The following ENPP2 variants were observed in gnomAD, a reference collection of about 807,000 sequenced individuals.
The protein encoded by ENPP2 is ectonucleotide pyrophosphatase/phosphodiesterase 2.
In ENPP2, 51 loss-of-function variants were observed where a neutral mutation model predicts 120.2. The ratio of observed to expected loss-of-function variants is 0.42; its 90% CI spans 0.34 to 0.54. The LOEUF is 0.54. ENPP2 is among the 20% of genes least tolerant of loss of function. The probability of loss-of-function intolerance (pLI) is 0.04; values close to 1 mark genes in which losing one functional copy is unlikely to be tolerated. For missense variants in ENPP2, 920 were observed against 1,066.5 expected, an observed-to-expected ratio of 0.86 and a Z score of 1.91; for synonymous variants, 365 against 366.4, an observed-to-expected ratio of 1.00 and a Z score of 0.04.
chr8:119,561,088 T>C (rs1813889226), intron 24 of ENPP2, among the ~76,000 whole-genome samples: 1 of 152,236 alleles, frequency 6.6e-6, no homozygotes, highest in Non-Finnish European at 1.5e-5. Context: ...TTTTAAAATC[T>C]TTTCTCCCAC....
At chr8:119,618,267 C>T (rs746529648) in intron 5 of ENPP2, 25 of 497,128 alleles carry the variant, frequency 5.0e-5, no homozygotes, top group Admixed American at 1.6e-4. Context: ...TTGGGATTCT[C>T]CAAATACTCC....
intron 8 of ENPP2, among the ~76,000 whole-genome samples, chr8:119,610,313 AG>A (rs1024262557): frequency 6.6e-6 from 1 of 152,222 alleles, no homozygotes; most frequent in Non-Finnish European, 1.5e-5. Flanking sequence ...TCTTGGTAAA[AG>A]TCAGGTTGAC....
At chr8:119,652,102 G>A (rs1456442762) in intron 1 of ENPP2, among the ~76,000 whole-genome samples, 1 of 152,086 alleles carries the variant, frequency 6.6e-6, no homozygotes, top group East Asian at 1.9e-4. Flanking sequence ...AGGCTGGGAG[G>A]TTTACGATCA....
intron 1 of ENPP2, among the ~76,000 whole-genome samples, chr8:119,668,141 T>A (rs1818128852): frequency 6.6e-6 from 1 of 152,190 alleles, no homozygotes; most frequent in Middle Eastern, 3.2e-3. Context: ...AAAGCAAGTA[T>A]AATATTGAAT....
chr8:119,656,323 T>C (rs1817765261), intron 1 of ENPP2, among the ~76,000 whole-genome samples: 2 of 152,148 alleles, frequency 1.3e-5, no homozygotes, highest in South Asian at 2.1e-4. Context: ...TACAACACAA[T>C]TGATGACATG....
At chr8:119,602,457 C>CAAAA (rs57298494) in intron 9 of ENPP2, among the ~76,000 whole-genome samples, 5 of 122,990 alleles carry the variant, frequency 4.1e-5, no homozygotes, top group African/African-American at 1.4e-4. Context: ...AACTCTGTCT[C>CAAAA]AAAAAAAAAA....
intron 1 of ENPP2, among the ~76,000 whole-genome samples, chr8:119,654,751 T>G (rs1292734894): frequency 6.6e-6 from 1 of 152,182 alleles, no homozygotes; most frequent in East Asian, 1.9e-4. Flanking sequence ...ACAGTCACTA[T>G]TCAGCAAAGG....
chr8:119,566,804 G>A (rs1814487364), intron 22 of ENPP2, among the ~76,000 whole-genome samples: 1 of 152,228 alleles, frequency 6.6e-6, no homozygotes, highest in Non-Finnish European at 1.5e-5. Flanking sequence ...TGCATTCTAT[G>A]TAATATTGTG....
chr8:119,559,194 C>A (rs1033967963), intron 24 of ENPP2, among the ~76,000 whole-genome samples: 16 of 152,160 alleles, frequency 1.1e-4, no homozygotes, highest in Non-Finnish European at 2.4e-4. Flanking sequence ...CTCAGTGTGA[C>A]CCTATAATTA....
chr8:119,590,695 G>A (rs1407967455), intron 12 of ENPP2, 65 bp from the exon 13 acceptor site: 12 of 1,136,634 alleles, frequency 1.1e-5, no homozygotes, highest in Non-Finnish European at 1.3e-5. Context: ...ACATAGACAC[G>A]AAAGATAACA....
rs1028829570 is a variant in ENPP2, at chr8:119,617,549, G to A, written c.494C>T (p.Pro165Leu). Residue 165 changes from proline (P) to leucine (L), a missense_variant, in exon 6 of 25, where the codon CCA becomes CTA. Coordinates refer to ENST00000075322, the MANE Select transcript of ENPP2 (RefSeq NM_001040092.3). ...AECPAGFVRP[P>L]LIIFSVDGFR... The stretch of plus-strand genomic sequence containing the variant: ...GCCATCCACGGAGAAGATGATTAAT[G>A]GAGGGCGAACAAACCTTAAACAGTA... The A allele has an allele frequency of 1.9e-6, 3 of 1,612,672 alleles. No homozygotes were observed. Among genetic ancestry groups the A allele is most frequent in the East Asian group, 2.2e-5 (1 of 44,798 alleles).
intron 1 of ENPP2, among the ~76,000 whole-genome samples, chr8:119,647,815 G>A (rs955320858): frequency 6.6e-6 from 1 of 152,120 alleles, no homozygotes; most frequent in Admixed American, 6.5e-5. Context: ...TGCCGACCTG[G>A]CCAACATGGC....
At chr8:119,607,719 C>G (rs563870050) in intron 9 of ENPP2, among the ~76,000 whole-genome samples, 1 of 151,068 alleles carries the variant, frequency 6.6e-6, no homozygotes, top group African/African-American at 2.4e-5. Context: ...AAAAGGAGAG[C>G]TGGAGGACAA....
At chr8:119,591,023 G>A (rs1452044866) in intron 12 of ENPP2, among the ~76,000 whole-genome samples, 1 of 128,808 alleles carries the variant, frequency 7.8e-6, no homozygotes, top group Non-Finnish European at 1.6e-5. Context: ...AAAACCCTAG[G>A]TTGCATCAAA....
chr8:119,611,603 G>C (rs946958245), intron 8 of ENPP2, among the ~76,000 whole-genome samples: 3 of 152,196 alleles, frequency 2.0e-5, no homozygotes, highest in Non-Finnish European at 4.4e-5. Flanking sequence ...AGGAAACAAA[G>C]AACAGTTCCA....
intron 22 of ENPP2, among the ~76,000 whole-genome samples, chr8:119,565,855 C>T (rs183681236): frequency 1.6e-4 from 24 of 152,106 alleles, no homozygotes; most frequent in African/African-American, 4.3e-4. Context: ...ATAAGTCAGA[C>T]TGTATCTTTC....
rs368820942 is a variant in ENPP2 at position 119,638,460 on chromosome 8, T to C, written c.101A>G (p.Lys34Arg). Residue 34 changes from lysine to arginine, a missense_variant, in exon 2 of 25, where the codon AAG becomes AGG. Physicochemically the swap from Lys to Arg is conservative, Grantham distance 26. Coordinates refer to ENST00000075322, the MANE Select transcript of ENPP2 (RefSeq NM_001040092.3). The part of the protein sequence containing the change: ...ICLGFTAHRI[K>R]RAEGWEEGPP... ...ACCTTCCTCCCATCCTTCTGCTCTC[T>C]TAATTCGATGTGCAGTGAATCCTAA... 2.5e-6 allele frequency: 4 copies of C among 1,609,626 alleles called. No homozygotes were observed. The highest frequency in any genetic ancestry group is 3.4e-6 in the Non-Finnish European group (4 of 1,175,936).
chr8:119,575,218 A>T (rs1812249792), intron 19 of ENPP2, among the ~76,000 whole-genome samples: 1 of 152,146 alleles, frequency 6.6e-6, no homozygotes, highest in Non-Finnish European at 1.5e-5. Flanking sequence ...GATTTGCACA[A>T]AATAATTCAG....
At chr8:119,670,933 G>C (rs145231646) in intron 1 of ENPP2, among the ~76,000 whole-genome samples, 2 of 152,040 alleles carry the variant, frequency 1.3e-5, no homozygotes, top group African/African-American at 4.8e-5. Context: ...AAATAAAAAT[G>C]GGAATCTGCT....
Sources: allele counts gnomAD v4.1 joint callset (sites outside exome capture counted in the v4.1 genomes callset), GRCh38; gene constraint gnomAD v4.1.1; transcripts MANE v1.5; gene names NCBI Gene and HGNC (gene_info 2026-07-23, HGNC 2026-07-21).